The following DAPK2 variants were observed in gnomAD, a reference collection of about 807,000 sequenced individuals.
DAPK2 encodes death associated protein kinase 2.
Under a neutral mutation model 44.1 loss-of-function variants are expected in DAPK2, and 35 were observed. The ratio of observed to expected loss-of-function variants is 0.79; its 90% CI spans 0.61 to 1.05. The LOEUF is 1.05. Ranked by LOEUF, DAPK2 falls within the 50% of genes least tolerant of loss-of-function variation. The pLI, the probability that DAPK2 is intolerant of heterozygous loss-of-function variation, is 0.00. For missense variants in DAPK2, 453 were observed against 483.2 expected (o/e 0.94, Z 0.59); for synonymous variants, 174 against 182.6 (o/e 0.95, Z 0.38).
chr15:64,038,119 T>C (rs2080258153), intron 1 of DAPK2, among the ~76,000 whole-genome samples: 1 of 152,182 alleles, frequency 6.6e-6, no homozygotes, highest in Non-Finnish European at 1.5e-5. Context: ...GGAAACTGCT[T>C]CTACTTCCTT....
At chr15:63,925,812 C>G (rs1016516007) in intron 7 of DAPK2, 129 bp downstream of exon 8, 3 of 1,202,128 alleles carry the variant, frequency 2.5e-6, no homozygotes, top group Non-Finnish European at 3.6e-6. Context: ...TTTCCAGCAC[C>G]TGCCCGGATT....
At chr15:63,997,624 C>T (rs979913643) in intron 1 of DAPK2, among the ~76,000 whole-genome samples, 1 of 152,196 alleles carries the variant, frequency 6.6e-6, no homozygotes, top group Admixed American at 6.5e-5. Flanking sequence ...AGCCACCATG[C>T]CCGGCCTTTG....
intron 1 of DAPK2, among the ~76,000 whole-genome samples, chr15:64,016,815 G>A (rs576647468): frequency 7.1e-6 from 1 of 140,670 alleles, no homozygotes; most frequent in East Asian, 2.1e-4. Flanking sequence ...GGAAGGGGAA[G>A]GGGAAGGGGA....
At chr15:64,031,329 C>T (rs184510088) in intron 1 of DAPK2, among the ~76,000 whole-genome samples, 96 of 151,954 alleles carry the variant, frequency 6.3e-4, no homozygotes, top group Non-Finnish European at 1.2e-3. Context: ...ACTTCCCATG[C>T]TCAAGCAATC....
chr15:64,034,966 G>A (rs2080136736), intron 1 of DAPK2, among the ~76,000 whole-genome samples: 1 of 152,182 alleles, frequency 6.6e-6, no homozygotes, highest in Non-Finnish European at 1.5e-5. Flanking sequence ...TCAGGAGTTT[G>A]AGATGAACCT....
At chr15:64,000,547 T>C (rs2140961556) in intron 1 of DAPK2, among the ~76,000 whole-genome samples, 1 of 152,354 alleles carries the variant, frequency 6.6e-6, no homozygotes, top group East Asian at 1.9e-4. Flanking sequence ...GTTGGATCAG[T>C]AGCCATGTAT....
intron 2 of DAPK2, among the ~76,000 whole-genome samples, chr15:63,972,832 GTTT>G (rs1416927536): frequency 1.3e-5 from 2 of 152,146 alleles, no homozygotes; most frequent in Admixed American, 1.3e-4. Context: ...AAGAAAACCT[GTTT>G]GGGAAGGAAC....
At chr15:63,928,025 T>A (rs1288669711) in intron 6 of DAPK2, among the ~76,000 whole-genome samples, 1 of 152,080 alleles carries the variant, frequency 6.6e-6, no homozygotes, top group Non-Finnish European at 1.5e-5. Flanking sequence ...TGGGATTACA[T>A]GGGATCCCTT....
chr15:63,923,125 A>G lies in DAPK2; in HGVS notation c.858+1691T>C, dbSNP rs981958804. 2.9e-5 allele frequency: 44 copies of G among 1,535,662 alleles called. No individual in the cohort carries two copies. In the East Asian group the frequency reaches 6.1e-4, roughly 21 times the overall value. ...TGAAGATGGAGACCAGGGCCTCCAC[A>G]TCGTCCTGGATGGTATCGTGGGCCT... On this transcript the variant is annotated intron_variant, in intron 8 of 10. Coordinates refer to ENST00000261891, the Ensembl canonical transcript of DAPK2. The surrounding 1 kb of genome is among the most constrained non-coding windows in gnomAD (Gnocchi z 4.2).
At chr15:63,932,218 C>T (rs908303451) in intron 4 of DAPK2, among the ~76,000 whole-genome samples, 1 of 148,672 alleles carries the variant, frequency 6.7e-6, no homozygotes, top group Non-Finnish European at 1.5e-5. Context: ...GTAATCCCAG[C>T]ACTTTGGGAG....
At chr15:63,943,531 C>T (rs1446435649) in intron 3 of DAPK2, among the ~76,000 whole-genome samples, 7 of 152,048 alleles carry the variant, frequency 4.6e-5, no homozygotes, top group African/African-American at 4.8e-5. Flanking sequence ...TGCTCCTAAC[C>T]GCTAGACTAA....
intron 2 of DAPK2, among the ~76,000 whole-genome samples, chr15:63,976,566 A>AC (rs2078353097): frequency 6.6e-6 from 1 of 152,156 alleles, no homozygotes; most frequent in East Asian, 1.9e-4. Context: ...AAAAAAAAAA[A>AC]ACTTAGCTGG....
intron 1 of DAPK2, among the ~76,000 whole-genome samples, chr15:64,009,057 C>T (rs896124447): frequency 1.3e-5 from 2 of 152,092 alleles, no homozygotes; most frequent in Non-Finnish European, 2.9e-5. Context: ...ACATGAGGCC[C>T]TCCTCTATTT....
chr15:64,033,329 A>G (rs57718965), intron 1 of DAPK2, among the ~76,000 whole-genome samples: 40 of 99,122 alleles, frequency 4.0e-4, no homozygotes, highest in African/African-American at 1.3e-3. Flanking sequence ...AGGAAGGAAA[A>G]AAAAAATAGC....
At position 63,912,490 on chromosome 15, in the gene DAPK2, C is replaced by T. The variant is rs1237007662; in HGVS notation, c.859-293G>A. Reference sequence around the variant, plus strand: ...AATAGCAGGAGGCAGGCCCTCCAATCGCACATCACTTTGGGGAGAGGGTCA... The same window carrying T: ...AATAGCAGGAGGCAGGCCCTCCAATTGCACATCACTTTGGGGAGAGGGTCA... On this transcript the variant is annotated intron_variant, in intron 8 of 10. Coordinates refer to ENST00000261891, the Ensembl canonical transcript of DAPK2. This position sits in a 1 kb window ranked among gnomAD's most constrained non-coding sequence, Gnocchi z 4.4. 1.3e-5 allele frequency among the ~76,000 whole-genome samples: 2 copies of T among 152,254 alleles called. No individual in the cohort carries two copies. The highest frequency in any genetic ancestry group is 6.5e-5 in the Admixed American group (1 of 15,286).
rs557682854 is a variant in DAPK2, at chr15:63,923,612, C to T, written c.858+1204G>A. Among the ~76,000 whole-genome samples the T allele has an allele frequency of 1.4e-3, 212 of 152,328 alleles. 1 individual carries two copies. Among genetic ancestry groups the T allele is most frequent in the Admixed American group, 2.4e-3 (37 of 15,304 alleles). On this transcript the variant is annotated intron_variant, in intron 8 of 10. Transcript: ENST00000261891. The surrounding 1 kb of genome is among the most constrained non-coding windows in gnomAD (Gnocchi z 4.2). The stretch of plus-strand genomic sequence containing the variant: ...ACACATAGCATTTAAGGGGTGCTCA[C>T]GCAGACAAGCAGGCTGCAGCCAGGA...
chr15:63,981,413 A>G (rs763791469), intron 2 of DAPK2, among the ~76,000 whole-genome samples: 12 of 152,228 alleles, frequency 7.9e-5, no homozygotes, highest in Non-Finnish European at 1.2e-4. Context: ...ATTATAAGCA[A>G]TAGAAAATGG....
chr15:63,985,198 AG>A (rs2078635650), intron 1 of DAPK2, among the ~76,000 whole-genome samples: 1 of 128,670 alleles, frequency 7.8e-6, no homozygotes, highest in South Asian at 3.0e-4. Flanking sequence ...GACTGGGCAG[AG>A]AAGGCTTTGT....
chr15:63,969,079 T>TC (rs1247363161), intron 3 of DAPK2, among the ~76,000 whole-genome samples: 1 of 152,160 alleles, frequency 6.6e-6, no homozygotes. Context: ...TTTTACCCTG[T>TC]GACGCCTCAG....
Sources: gnomAD v4.1 joint callset for allele counts (sites outside exome capture counted in the v4.1 genomes callset) on GRCh38, gnomAD v4.1.1 for gene constraint, Gnocchi (gnomAD v3.1) non-coding constraint, MANE v1.5 for transcripts, NCBI Gene and HGNC (gene_info 2026-07-23, HGNC 2026-07-21) for gene names.